Variants in ZNF500 observed in about 807,000 individuals in gnomAD.
The protein encoded by ZNF500 is zinc finger protein 500.
ZNF500 carries 31 observed loss-of-function variants against 30.1 expected under a neutral mutation model. That is an observed-to-expected ratio of 1.03 (90% CI 0.77 to 1.39). The LOEUF is 1.39. ZNF500 is among the 40% of genes most tolerant of loss of function. The pLI is 0.00. For synonymous variants in ZNF500, 392 were observed against 282.0 expected (o/e 1.39, Z -3.91); for missense variants, 817 against 657.8 (o/e 1.24, Z -2.65).
chr16:4,765,567 G>A lies in ZNF500; in HGVS notation c.412C>T (p.Arg138Trp), dbSNP rs750375872. Reference protein sequence around the residue: ...LQRKPRKHRQRGSELLSDDEV... With the variant: ...LQRKPRKHRQWGSELLSDDEV... Reference sequence around the variant, plus strand: ...AGGGTCAAAATGCCCCCACTCACCCGCTGCCTGTGTTTCCTGGGCTTCCGC... The same window carrying A: ...AGGGTCAAAATGCCCCCACTCACCCACTGCCTGTGTTTCCTGGGCTTCCGC... Residue 138 changes from arginine (R) to tryptophan (W), a missense_variant and splice_region_variant, in exon 2 of 6, where the codon CGG becomes TGG. By Grantham distance (101) the Arg-to-Trp change is moderately radical (BLOSUM62 -3). Coordinates refer to ENST00000219478, the MANE Select transcript of ZNF500 (RefSeq NM_021646.4). 1.7e-5 allele frequency: 27 copies of A among 1,588,342 alleles called. No homozygotes were observed. The highest frequency in any genetic ancestry group is 2.3e-5 in the South Asian group (2 of 87,370).
At position 4,762,302 on chromosome 16, in the gene ZNF500, G is replaced by C; in HGVS notation, c.632C>G (p.Ser211Ter). Reference sequence around the variant, plus strand: ...CCAGGCCGAAAGGAAGGGCGAGGCTGACGCCATCTCCTGATGCCGGGGAGC... The same window carrying C: ...CCAGGCCGAAAGGAAGGGCGAGGCTCACGCCATCTCCTGATGCCGGGGAGC... ...PPAPRHQEMA[S>*]ASPFLSAWSQ... The change falls in exon 4 of 6, where the codon TCA becomes TGA. Residue 211 changes from serine to a stop codon, truncating the protein, a stop_gained. Coordinates refer to ENST00000219478, the MANE Select transcript of ZNF500 (RefSeq NM_021646.4). LOFTEE classifies it high-confidence loss of function. 6.2e-7 allele frequency: 1 copy of C among 1,611,244 alleles called. No individual in the cohort carries two copies. The highest frequency in any genetic ancestry group is 8.5e-7 in the Non-Finnish European group (1 of 1,178,824).
chr16:4,763,046 C>T (rs2082224961), intron 2 of ZNF500: 1 of 985,286 alleles, frequency 1.0e-6, no homozygotes, highest in Non-Finnish European at 1.2e-6. Flanking sequence ...GCCAGAAGAG[C>T]CCTGAGTCAG....
chr16:4,744,832 A>C, downstream of ZNF500: 1 of 1,593,804 alleles, frequency 6.3e-7, no homozygotes, highest in Non-Finnish European at 8.6e-7. Flanking sequence ...AAGTGGGCCA[A>C]GTCCCCACTA....
At chr16:4,761,889 AC>A (rs541683539) in intron 4 of ZNF500, among the ~76,000 whole-genome samples, 13 of 150,818 alleles carry the variant, frequency 8.6e-5, no homozygotes, top group African/African-American at 2.9e-4. Context: ...ACAAACAAAA[AC>A]CCCAAAAAAA....
Position 4,762,644 on chromosome 16 carries a change from A to T in ZNF500, c.527T>A (p.Phe176Tyr), listed in dbSNP as rs1190595268. The T allele has an allele frequency of 6.2e-7, 1 of 1,614,024 alleles. No homozygotes were observed. Among genetic ancestry groups the T allele is most frequent in the South Asian group, 1.1e-5 (1 of 91,066 alleles). The change falls in exon 3 of 6, where the codon TTC (phenylalanine) becomes TAC (tyrosine). Residue 176 changes from phenylalanine to tyrosine, a missense_variant. By Grantham distance (22) the Phe-to-Tyr change is conservative (BLOSUM62 3). Coordinates refer to ENST00000219478, the MANE Select transcript of ZNF500 (RefSeq NM_021646.4). ...CTGGGCTGGGGGCTGCTGGCTGGAGAATCGAGCCTCTTCCTCCAGGGACAG... is the reference window on the plus strand; with the variant it reads ...CTGGGCTGGGGGCTGCTGGCTGGAGTATCGAGCCTCTTCCTCCAGGGACAG... ...EDLSLEEEARFSSQQPPAQLS... is the reference protein window; with the variant it reads ...EDLSLEEEARYSSQQPPAQLS...
At chr16:4,754,065 G>A (rs896505262) in intron 5 of ZNF500, among the ~76,000 whole-genome samples, 4 of 152,230 alleles carry the variant, frequency 2.6e-5, no homozygotes, top group African/African-American at 9.6e-5. Flanking sequence ...GCAGCATGAG[G>A]GTGACTGCAG....
In ZNF500 at chr16:4,766,699, G is replaced by A. The variant is rs1278523614; in HGVS notation, c.-99+318C>T. On this transcript the variant is annotated intron_variant, in intron 1 of 5. Transcript: ENST00000219478. ...TGATTAGAGTGGGTCCTATATGGAA[G>A]GGGTTCCTTTGGAAATCTGATGAAA... 2.0e-5 allele frequency among the ~76,000 whole-genome samples: 3 copies of A among 152,178 alleles called. No individual in the cohort carries two copies. The East Asian group carries it at 5.8e-4, about 29-fold the overall frequency.
Position 4,760,731 on chromosome 16 carries a change from C to T in ZNF500, c.664-143G>A, listed in dbSNP as rs368040204. On this transcript the variant is annotated intron_variant, in intron 4 of 5. Transcript: ENST00000219478. ...TGGTGCAGCTGGTCTTCTCCACTCTCGTTGCAGTGGTGAGTCCTGGTGTCT... is the reference window on the plus strand; with the variant it reads ...TGGTGCAGCTGGTCTTCTCCACTCTTGTTGCAGTGGTGAGTCCTGGTGTCT... The T allele has an allele frequency of 5.9e-5, 40 of 675,484 alleles. No homozygotes were observed. In the Middle Eastern group the frequency reaches 2.0e-3, roughly 35 times the overall value. 41.8% of individuals were successfully genotyped at this position (675,484 alleles called of 1,614,324 possible).
At chr16:4,747,935 T>C (rs1030812598), downstream of ZNF500, among the ~76,000 whole-genome samples, 12 of 152,286 alleles carry the variant, frequency 7.9e-5, no homozygotes, top group East Asian at 1.9e-3. Context: ...TGCGGGACTC[T>C]GAGGCTCTTC....
Position 4,759,447 on chromosome 16 carries a change from C to G in ZNF500, c.760+1045G>C, listed in dbSNP as rs568987421. Among the ~76,000 whole-genome samples, 4 of 152,254 alleles carry G rather than the reference C, an allele frequency of 2.6e-5. No individual in the cohort carries two copies. In the East Asian group the frequency reaches 5.8e-4, roughly 22 times the overall value. On this transcript the variant is annotated intron_variant, in intron 5 of 5. Coordinates refer to ENST00000219478, the MANE Select transcript of ZNF500 (RefSeq NM_021646.4). ...TTGATCAGAGATACACTTGTACACC[C>G]ACGTTCACTGCAGCATTATTTACAA...
downstream of ZNF500, chr16:4,747,471 G>T (rs554554378): frequency 3.1e-6 from 5 of 1,613,276 alleles, no homozygotes; most frequent in African/African-American, 5.3e-5. Flanking sequence ...GACACAGCTG[G>T]ATCACGAACT....
intron 4 of ZNF500, among the ~76,000 whole-genome samples, chr16:4,761,484 C>T (rs1479920802): frequency 0.02 from 69 of 3,494 alleles, no homozygotes; most frequent in Middle Eastern, 0.17. Context: ...TACATACACA[C>T]ACACACACAC....
chr16:4,765,924 G>A lies in ZNF500; in HGVS notation c.55C>T (p.Gln19Ter). The part of the protein sequence containing the change: ...PLPTLEQDLE[Q>*]EEILIVKVEE... ...ACCTTCACAATCAGGATCTCTTCCT[G>A]TTCCAGGTCCTGCTCCAAGGTTGGC... Residue 19 changes from glutamine to a stop codon, truncating the protein, a stop_gained, in exon 2 of 6, where the codon CAG becomes TAG. Coordinates refer to ENST00000219478, the MANE Select transcript of ZNF500 (RefSeq NM_021646.4). LOFTEE classifies it high-confidence loss of function. 6 of 1,608,008 alleles carry A rather than the reference G, an allele frequency of 3.7e-6. No individual in the cohort carries two copies. Among genetic ancestry groups the A allele is most frequent in the Non-Finnish European group, 5.1e-6 (6 of 1,177,478 alleles).
Position 4,749,490 on chromosome 16 carries a change from C to T in ZNF500, c.*2886G>A, listed in dbSNP as rs972341214. On this transcript the variant is annotated 3_prime_UTR_variant, in exon 6 of 6. Coordinates refer to ENST00000219478, the MANE Select transcript of ZNF500 (RefSeq NM_021646.4). ...CTCTGCCACCTGGGCAAGGTTTTCACGCTCCCAGTGCCCAGTTCCTCCACC... is the reference window on the plus strand; with the variant it reads ...CTCTGCCACCTGGGCAAGGTTTTCATGCTCCCAGTGCCCAGTTCCTCCACC... 9.1e-5 allele frequency: 14 copies of T among 154,352 alleles called. No homozygotes were observed. Among genetic ancestry groups the T allele is most frequent in the African/African-American group, 2.4e-4 (10 of 41,520 alleles). 9.6% of individuals were successfully genotyped at this position (154,352 alleles called of 1,614,324 possible). A position where few individuals can be genotyped will look rare whatever the true frequency, so the allele number is the denominator to read the frequency against.
At chr16:4,766,240 C>T (rs1231517483) in intron 1 of ZNF500, 164 bp from the exon 2 acceptor site, 2 of 380,540 alleles carry the variant, frequency 5.3e-6, no homozygotes, top group African/African-American at 2.1e-5. Flanking sequence ...TGTTAATTCC[C>T]GGGTAATTTA....
rs1402749321 is a variant in ZNF500 at position 4,767,141 on chromosome 16, C to A, written c.-223G>T. 6.6e-6 allele frequency: 1 copy of A among 152,346 alleles called. No homozygotes were observed. Among genetic ancestry groups the A allele is most frequent in the Non-Finnish European group, 1.5e-5 (1 of 68,114 alleles). 9.4% of individuals were successfully genotyped at this position (152,346 alleles called of 1,614,324 possible). A position where few individuals can be genotyped will look rare whatever the true frequency, so the allele number is the denominator to read the frequency against. On this transcript the variant is annotated 5_prime_UTR_variant, in exon 1 of 6. Transcript: ENST00000219478. ...CAGAGCCGGGGCCGAAGACCCTAAACCAGGGGTGCAAACCAGGCCGTGCGG... is the reference window on the plus strand; with the variant it reads ...CAGAGCCGGGGCCGAAGACCCTAAAACAGGGGTGCAAACCAGGCCGTGCGG...
intron 5 of ZNF500, among the ~76,000 whole-genome samples, chr16:4,753,929 G>A (rs544028160): frequency 7.9e-4 from 120 of 152,342 alleles, no homozygotes; most frequent in Non-Finnish European, 1.3e-3. Flanking sequence ...TGGCCCCTGA[G>A]GCCCCTCTGC....
rs1332560391 is a variant in ZNF500, at chr16:4,752,393, G to C, written c.1426C>G (p.Pro476Ala). 2.0e-5 allele frequency: 30 copies of C among 1,508,282 alleles called. No individual in the cohort carries two copies. Among genetic ancestry groups the C allele is most frequent in the Non-Finnish European group, 2.6e-5 (29 of 1,131,480 alleles). The allele number at this position is 1,508,282 out of a possible 1,614,324, so 93.4% of individuals were successfully genotyped here. A position where few individuals can be genotyped will look rare whatever the true frequency, so the allele number is the denominator to read the frequency against. The change falls in exon 6 of 6, where the codon CCC becomes GCC. Residue 476 changes from proline to alanine, a missense_variant. Physicochemically the swap from Pro to Ala is conservative, Grantham distance 27. Transcript: ENST00000219478. The stretch of plus-strand genomic sequence containing the variant: ...CCTGGTGATCAGGCTTTGGCACCGG[G>C]GCCTCCAGGAGCCACCGGCTGGAGC... ...PTLQPVAPGG[P>A]GAKA
At chr16:4,753,923 C>T (rs142724885) in intron 5 of ZNF500, among the ~76,000 whole-genome samples, 2,927 of 152,256 alleles carry the variant, frequency 0.019, 47 homozygotes, top group Non-Finnish European at 0.03. Flanking sequence ...TTGGTGTGGC[C>T]CCTGAGGCCC....
Sources: allele counts gnomAD v4.1 joint callset (sites outside exome capture counted in the v4.1 genomes callset), GRCh38; gene constraint gnomAD v4.1.1; transcripts MANE v1.5; gene names NCBI Gene and HGNC (gene_info 2026-07-23, HGNC 2026-07-21).